ZNF469: variants seen among roughly 807,000 people sequenced by gnomAD.
ZNF469 encodes zinc finger protein 469.
ZNF469 carries 1 observed loss-of-function variant against 1.0 expected under a neutral mutation model. The ratio of observed to expected loss-of-function variants is 1.00; its 90% CI spans 0.35 to 4.73. The LOEUF is 4.73. Among genes scored for constraint, ZNF469 ranks in the 30% most tolerant of loss-of-function variants. The pLI is 0.16. For missense variants in ZNF469, 6,100 were observed against 5,356.3 expected, an observed-to-expected ratio of 1.14 and a Z score of -4.33; for synonymous variants, 2,703 against 2,363.4, an observed-to-expected ratio of 1.14 and a Z score of -4.17.
the ZNF469 span, among the ~76,000 whole-genome samples, chr16:88,376,203 C>T: frequency 2.0e-5 from 3 of 152,246 alleles, no homozygotes; most frequent in Non-Finnish European, 4.4e-5. Flanking sequence ...CACATCAATG[C>T]GCCTTTTACT....
the ZNF469 span, among the ~76,000 whole-genome samples, chr16:88,229,579 T>TGTG: frequency 1.7e-4 from 10 of 59,812 alleles, no homozygotes; most frequent in South Asian, 6.3e-4. Flanking sequence ...GCTTGTGCGC[T>TGTG]GATGTCACGC....
chr16:88,184,667 A>C, the ZNF469 span, among the ~76,000 whole-genome samples: 2 of 151,900 alleles, frequency 1.3e-5, no homozygotes, highest in Non-Finnish European at 2.9e-5. Flanking sequence ...CAGAACCCCC[A>C]GTGATTAGGG....
At chr16:88,249,493 GT>G in the ZNF469 span, among the ~76,000 whole-genome samples, 2 of 133,372 alleles carry the variant, frequency 1.5e-5, no homozygotes, top group South Asian at 4.7e-4. Flanking sequence ...CTGGAGTGCA[GT>G]GGCACCATCT....
chr16:88,228,239 C>T, the ZNF469 span, among the ~76,000 whole-genome samples: 8 of 152,248 alleles, frequency 5.3e-5, no homozygotes, highest in Non-Finnish European at 7.3e-5. Flanking sequence ...CCCTGCCTCG[C>T]TCCTTGGTGC....
At chr16:88,225,622 C>T in the ZNF469 span, among the ~76,000 whole-genome samples, 435 of 152,234 alleles carry the variant, frequency 2.9e-3, 1 homozygote, top group African/African-American at 9.2e-3. Flanking sequence ...TGAAACCCCA[C>T]CCCCAAGGCC....
rs151127652 is a variant in ZNF469, at chr16:88,438,577, G to A, written c.11107G>A (p.Val3703Met). The A allele has an allele frequency of 1.1e-4, 174 of 1,550,156 alleles. No homozygotes were observed. The highest frequency in any genetic ancestry group is 1.5e-4 in the Non-Finnish European group (168 of 1,146,936). The change falls in exon 3 of 3, where the codon GTG (valine) becomes ATG (methionine). Residue 3703 changes from valine (V) to methionine (M), a missense_variant. Val to Met is a conservative substitution (Grantham distance 21, BLOSUM62 1). Coordinates refer to ENST00000565624, the MANE Select transcript of ZNF469 (RefSeq NM_001367624.2). ...LKFPVHPRKA[V>M]GSLAPGELAR... ...GTTCCCAGTGCACCCAAGGAAGGCG[G>A]TGGGGAGCCTGGCACCCGGGGAGCT...
At position 88,436,550 on chromosome 16, in the gene ZNF469, G is replaced by A. The variant is rs566978194; in HGVS notation, c.9080G>A (p.Arg3027His). ...GAGCCCCCCAGCCTGGAGAGAGAAC[G>A]CTGTGACGGTGGGCTTCCCGGGAAC... Reference protein sequence around the residue: ...SPEPPSLERERCDGGLPGNTH... With the variant: ...SPEPPSLEREHCDGGLPGNTH... The change falls in exon 3 of 3, where the codon CGC (arginine) becomes CAC (histidine). Residue 3027 changes from arginine (R) to histidine (H), a missense_variant. Coordinates refer to ENST00000565624, the MANE Select transcript of ZNF469 (RefSeq NM_001367624.2). 39 of 1,549,674 alleles carry A rather than the reference G, an allele frequency of 2.5e-5. No homozygotes were observed. The highest frequency in any genetic ancestry group is 2.5e-4 in the African/African-American group (18 of 73,190).
chr16:88,157,340 A>T, the ZNF469 span, among the ~76,000 whole-genome samples: 1 of 152,146 alleles, frequency 6.6e-6, no homozygotes, highest in African/African-American at 2.4e-5. Flanking sequence ...TCCACACAAG[A>T]TGTTGCACCA....
the ZNF469 span, among the ~76,000 whole-genome samples, chr16:88,274,926 A>T: frequency 6.6e-6 from 1 of 152,236 alleles, no homozygotes; most frequent in Non-Finnish European, 1.5e-5. Flanking sequence ...GCTGTTTTAC[A>T]AACAGCGTAT....
chr16:88,282,632 A>G, the ZNF469 span, among the ~76,000 whole-genome samples: 1 of 152,142 alleles, frequency 6.6e-6, no homozygotes, highest in East Asian at 1.9e-4. Flanking sequence ...GAGACGTCGG[A>G]TTGCAGACAC....
Position 88,436,913 on chromosome 16 carries a change from G to A in ZNF469, c.9443G>A (p.Cys3148Tyr). 1 of 1,500,778 alleles carries A rather than the reference G, an allele frequency of 6.7e-7. No homozygotes were observed. The highest frequency in any genetic ancestry group is 1.3e-5 in the South Asian group (1 of 78,784). The allele number at this position is 1,500,778 out of a possible 1,614,324, so 93.0% of individuals were successfully genotyped here. ...TPAPPPTCYM[C>Y]VERRFGSREL... Reference sequence around the variant, plus strand: ...GCGCCGCCGCCCACCTGCTACATGTGCGTGGAGCGCAGGTTTGGCTCGCGG... The same window carrying A: ...GCGCCGCCGCCCACCTGCTACATGTACGTGGAGCGCAGGTTTGGCTCGCGG... Residue 3148 changes from cysteine (C) to tyrosine (Y), a missense_variant, in exon 3 of 3, where the codon TGC becomes TAC. Physicochemically the swap from Cys to Tyr is radical, Grantham distance 194. Coordinates refer to ENST00000565624, the MANE Select transcript of ZNF469 (RefSeq NM_001367624.2).
chr16:88,351,688 C>T, the ZNF469 span, among the ~76,000 whole-genome samples: 1 of 152,144 alleles, frequency 6.6e-6, no homozygotes, highest in Non-Finnish European at 1.5e-5. Flanking sequence ...TCTGTGGAGG[C>T]CCCCACCCCC....
At chr16:88,363,578 C>T in the ZNF469 span, among the ~76,000 whole-genome samples, 1 of 152,214 alleles carries the variant, frequency 6.6e-6, no homozygotes, top group Admixed American at 6.5e-5. Flanking sequence ...GTTGGTCTCT[C>T]CTATTTAAGA....
At chr16:88,287,167 C>T in the ZNF469 span, among the ~76,000 whole-genome samples, 1 of 152,178 alleles carries the variant, frequency 6.6e-6, no homozygotes, top group African/African-American at 2.4e-5. Flanking sequence ...CTAAGGTGCA[C>T]CTTGGTTGTT....
At chr16:88,367,476 T>C in the ZNF469 span, among the ~76,000 whole-genome samples, 1 of 152,200 alleles carries the variant, frequency 6.6e-6, no homozygotes, top group African/African-American at 2.4e-5. Flanking sequence ...CGCCACCTTT[T>C]CCCAGGGCAT....
the ZNF469 span, among the ~76,000 whole-genome samples, chr16:88,122,305 GA>G: frequency 1.3e-5 from 2 of 151,556 alleles, no homozygotes; most frequent in African/African-American, 4.9e-5. Context: ...TGGCCCCTTG[GA>G]TCACACTCTG....
At chr16:88,243,317 T>A in the ZNF469 span, among the ~76,000 whole-genome samples, 1 of 152,220 alleles carries the variant, frequency 6.6e-6, no homozygotes, top group Admixed American at 6.5e-5. Flanking sequence ...CCTGTACCAC[T>A]GAGCTCTTCC....
At chr16:88,385,340 T>C (rs2092534640) in intron 1 of ZNF469, among the ~76,000 whole-genome samples, 1 of 152,074 alleles carries the variant, frequency 6.6e-6, no homozygotes. Flanking sequence ...TTCTGACTCC[T>C]ACTAATAATT....
the ZNF469 span, among the ~76,000 whole-genome samples, chr16:88,105,739 T>G: frequency 9.9e-5 from 15 of 152,212 alleles, no homozygotes; most frequent in Non-Finnish European, 1.8e-4. Context: ...TCAGAAGCCC[T>G]GGTGGGAGCT....
Sources: gnomAD v4.1 joint callset for allele counts (sites outside exome capture counted in the v4.1 genomes callset) on GRCh38, gnomAD v4.1.1 for gene constraint, MANE v1.5 for transcripts, NCBI Gene and HGNC (gene_info 2026-07-23, HGNC 2026-07-21) for gene names.